The following TRHDE variants were observed in gnomAD, a reference collection of about 807,000 sequenced individuals.
TRHDE encodes the protein thyrotropin-releasing hormone-degrading ectoenzyme.
In TRHDE, 72 loss-of-function variants were observed where a neutral mutation model predicts 125.7. The ratio of observed to expected loss-of-function variants is 0.57; its 90% confidence interval spans 0.47 to 0.70. TRHDE has a LOEUF of 0.70. Among genes scored for constraint, TRHDE ranks in the 30% least tolerant of loss-of-function variants. The probability of loss-of-function intolerance (pLI) is 0.00; values close to 1 mark genes in which losing one functional copy is unlikely to be tolerated. For synonymous variants in TRHDE, 509 were observed against 509.1 expected (o/e 1.00, Z 0.00); for missense variants, 1,110 against 1,327.1 (o/e 0.84, Z 2.54).
chr12:72,516,052 T>C (rs1878842065), intron 6 of TRHDE, among the ~76,000 whole-genome samples: 1 of 151,732 alleles, frequency 6.6e-6, no homozygotes. Flanking sequence ...TAGCCTTGTG[T>C]AGTATAGTTT....
At chr12:72,364,068 C>A (rs1013735817) in intron 2 of TRHDE, among the ~76,000 whole-genome samples, 1 of 151,926 alleles carries the variant, frequency 6.6e-6, no homozygotes, top group African/African-American at 2.4e-5. Flanking sequence ...TTACAAGGGA[C>A]GTGAAGGACC....
intron 3 of TRHDE, among the ~76,000 whole-genome samples, chr12:72,385,435 T>C (rs542238214): frequency 6.6e-6 from 1 of 152,254 alleles, no homozygotes; most frequent in Admixed American, 6.5e-5. Flanking sequence ...ATCTTTAAAA[T>C]CAAATAAATG....
chr12:72,527,727 C>A (rs1187742812), intron 6 of TRHDE, among the ~76,000 whole-genome samples: 1 of 151,930 alleles, frequency 6.6e-6, no homozygotes, highest in Non-Finnish European at 1.5e-5. Flanking sequence ...TATGAAAGGA[C>A]TGACATATGC....
At chr12:72,514,135 T>C (rs555064201) in intron 6 of TRHDE, among the ~76,000 whole-genome samples, 2 of 151,932 alleles carry the variant, frequency 1.3e-5, no homozygotes, top group Non-Finnish European at 2.9e-5. Flanking sequence ...CTAAAACATA[T>C]CCTTTCTAGA....
intron 2 of TRHDE, among the ~76,000 whole-genome samples, chr12:72,143,445 G>A (rs1287741461): frequency 2.0e-5 from 3 of 152,096 alleles, no homozygotes; most frequent in Non-Finnish European, 2.9e-5. Context: ...AAGGGAGAGA[G>A]CATTCTGTTT....
chr12:72,572,230 C>A (rs1294582134), intron 10 of TRHDE, among the ~76,000 whole-genome samples: 2 of 152,052 alleles, frequency 1.3e-5, no homozygotes, highest in African/African-American at 4.8e-5. Context: ...AATTCCAATT[C>A]TTTGCAACCG....
Position 72,483,066 on chromosome 12 carries a change from G to T in TRHDE, c.1584+9886G>T, listed in dbSNP as rs182611732. On this transcript the variant is annotated intron_variant, in intron 5 of 18. Transcript: ENST00000261180. ...TCTTCACTGACCAAATATTTACAAG[G>T]ATTAATCTACATTGACTTGTTCTCT... 1.0e-3 allele frequency among the ~76,000 whole-genome samples: 156 copies of T among 151,798 alleles called. 2 individuals are homozygous for T. The highest frequency in any genetic ancestry group is 8.4e-3 in the Admixed American group (128 of 15,260).
At chr12:72,536,492 T>C (rs1868865575) in intron 6 of TRHDE, among the ~76,000 whole-genome samples, 1 of 152,084 alleles carries the variant, frequency 6.6e-6, no homozygotes, top group Admixed American at 6.6e-5. Flanking sequence ...CAGTGACAAG[T>C]CGTCTAGTTA....
At position 72,563,746 on chromosome 12, in the gene TRHDE, CCATTT is replaced by C. The variant is rs1202075540; in HGVS notation, c.2042+717_2042+721del. On this transcript the variant is annotated intron_variant, in intron 9 of 18. Transcript: ENST00000261180. Reference sequence around the variant, plus strand: ...GAAAGATATTAAAACTTAAATCATTCCATTTCATTTCATTTAAGATGCCCTAGTAA... The same window carrying C: ...GAAAGATATTAAAACTTAAATCATTCCATTTCATTTAAGATGCCCTAGTAA... 2.7e-5 allele frequency among the ~76,000 whole-genome samples: 4 copies of C among 147,952 alleles called. No individual in the cohort carries two copies. The East Asian group carries it at 8.2e-4, about 30-fold the overall frequency.
intron 2 of TRHDE, among the ~76,000 whole-genome samples, chr12:72,359,195 C>G (rs1411952374): frequency 7.3e-6 from 1 of 137,770 alleles, no homozygotes; most frequent in African/African-American, 2.7e-5. Context: ...AAAAACATAT[C>G]TGAAGAGAGG....
intron 2 of TRHDE, among the ~76,000 whole-genome samples, chr12:72,216,969 T>G (rs1014600982): frequency 9.2e-5 from 1 of 10,896 alleles, no homozygotes; most frequent in Non-Finnish European, 2.2e-4. Flanking sequence ...GTAATGCTAG[T>G]TTTTTTTTTT....
chr12:72,550,615 G>A (rs944720214), intron 7 of TRHDE, among the ~76,000 whole-genome samples: 8 of 151,622 alleles, frequency 5.3e-5, no homozygotes, highest in Admixed American at 2.0e-4. Flanking sequence ...TATGACGTAG[G>A]GGTACCATAA....
chr12:72,396,962 C>T (rs542308394), intron 3 of TRHDE, among the ~76,000 whole-genome samples: 57 of 152,294 alleles, frequency 3.7e-4, no homozygotes, highest in Admixed American at 1.0e-3. Flanking sequence ...TTATTCAGTA[C>T]TGTGGCTTTG....
rs142141090 is a variant in TRHDE at position 72,647,372 on chromosome 12, A to C, written c.2676-4950A>C. Reference sequence around the variant, plus strand: ...ATTGTGATAAATACCTATATTTATAATGACCTGAAACTACCTTTACACCTC... The same window carrying C: ...ATTGTGATAAATACCTATATTTATACTGACCTGAAACTACCTTTACACCTC... On this transcript the variant is annotated intron_variant, in intron 15 of 18. Transcript: ENST00000261180. 3.7e-3 allele frequency among the ~76,000 whole-genome samples: 566 copies of C among 152,166 alleles called. 13 individuals carry two copies. Among genetic ancestry groups the C allele is most frequent in the Admixed American group, 0.031 (467 of 15,260 alleles).
chr12:72,272,542 C>G lies in TRHDE; in HGVS notation c.-102C>G. 1 of 574,362 alleles carries G rather than the reference C, an allele frequency of 1.7e-6. No individual in the cohort carries two copies. Among genetic ancestry groups the G allele is most frequent in the South Asian group, 2.4e-5 (1 of 42,368 alleles). 35.6% of individuals were successfully genotyped at this position (574,362 alleles called of 1,614,324 possible). ...GGGCCAGCATCCCCAGTCGCGCGCC[C>G]TCGGCCCGCGTGAGCTCTCCGATGC... On this transcript the variant is annotated 5_prime_UTR_variant, in exon 1 of 19. Transcript: ENST00000261180. The surrounding 1 kb of genome is among the most constrained non-coding windows in gnomAD (Gnocchi z 6.7).
At chr12:72,542,426 C>A in intron 7 of TRHDE, 70 bp downstream of exon 7, 1 of 1,321,974 alleles carries the variant, frequency 7.6e-7, no homozygotes, top group Non-Finnish European at 1.1e-6. Flanking sequence ...TAGGAAATGG[C>A]TAATACAAAA....
chr12:72,175,373 G>A lies in TRHDE; in HGVS notation n.279+69621G>A, dbSNP rs570482546. ...ATTACTACCGTGGTGTTTGCAAAAG[G>A]GCCTCAATGGGATTTTTTGAACATA... On this transcript the variant is annotated intron_variant and non_coding_transcript_variant, in intron 2 of 4. Transcript: ENST00000548156. Among the ~76,000 whole-genome samples the A allele has an allele frequency of 3.3e-5, 5 of 152,242 alleles. No individual in the cohort carries two copies. The South Asian group carries it at 1.0e-3, about 32-fold the overall frequency.
intron 2 of TRHDE, among the ~76,000 whole-genome samples, chr12:72,249,610 T>A (rs1329678493): frequency 3.3e-5 from 5 of 152,184 alleles, no homozygotes. Flanking sequence ...AACCATATGA[T>A]AGATAACTAT....
At chr12:72,361,463 A>G (rs1871077135) in intron 2 of TRHDE, among the ~76,000 whole-genome samples, 1 of 151,908 alleles carries the variant, frequency 6.6e-6, no homozygotes, top group Non-Finnish European at 1.5e-5. Flanking sequence ...GCCTATGTGA[A>G]AAAATATCAA....
Sources: gnomAD v4.1 joint callset for allele counts (sites outside exome capture counted in the v4.1 genomes callset) on GRCh38, gnomAD v4.1.1 for gene constraint, Gnocchi (gnomAD v3.1) non-coding constraint, MANE v1.5 for transcripts, NCBI Gene and HGNC (gene_info 2026-07-23, HGNC 2026-07-21) for gene names.